Variants in ZHX2 observed in about 807,000 individuals in gnomAD.
ZHX2 encodes zinc fingers and homeoboxes 2, also known as zinc fingers and homeoboxes protein 2.
Under a neutral mutation model 21.9 loss-of-function variants are expected in ZHX2, and 6 were observed. The ratio of observed to expected loss-of-function variants is 0.27; its 90% CI spans 0.15 to 0.54. The LOEUF is 0.54. Ranked by LOEUF, ZHX2 falls within the 20% of genes least tolerant of loss-of-function variation. The pLI is 0.95. For missense variants in ZHX2, 908 were observed against 1,090.7 expected (o/e 0.83, Z 2.36); for synonymous variants, 434 against 437.1 (o/e 0.99, Z 0.09).
chr8:122,893,121 T>G (rs1820020981), intron 2 of ZHX2, among the ~76,000 whole-genome samples: 1 of 152,190 alleles, frequency 6.6e-6, no homozygotes, highest in African/African-American at 2.4e-5. Context: ...GGTTTTTGTT[T>G]TGTTTTTTTT....
intron 2 of ZHX2, among the ~76,000 whole-genome samples, chr8:122,934,941 G>A (rs1019053835): frequency 6.6e-6 from 1 of 152,100 alleles, no homozygotes; most frequent in African/African-American, 2.4e-5. Flanking sequence ...ACCCTCCTTG[G>A]CCTCCCAAAG....
At chr8:122,887,049 C>CTGTGTGTGTGTGTG (rs1313705680) in intron 2 of ZHX2, among the ~76,000 whole-genome samples, 1 of 110,432 alleles carries the variant, frequency 9.1e-6, no homozygotes, top group Non-Finnish European at 1.8e-5. Context: ...TGCTCTGCCA[C>CTGTGTGTGTGTGTG]CGTGTGTGTG....
chr8:122,835,317 G>A (rs1282979262), intron 1 of ZHX2, among the ~76,000 whole-genome samples: 2 of 152,244 alleles, frequency 1.3e-5, no homozygotes, highest in Non-Finnish European at 2.9e-5. Flanking sequence ...GAGCGAGTAA[G>A]GGCAGGAGAG....
At chr8:122,873,377 A>G (rs1402900223) in intron 2 of ZHX2, among the ~76,000 whole-genome samples, 2 of 147,238 alleles carry the variant, frequency 1.4e-5, no homozygotes, top group African/African-American at 4.9e-5. Flanking sequence ...CAGAAGTGTC[A>G]TCTCCCCCGG....
At chr8:122,888,369 T>A (rs1449678795) in intron 2 of ZHX2, among the ~76,000 whole-genome samples, 2 of 152,218 alleles carry the variant, frequency 1.3e-5, no homozygotes, top group Non-Finnish European at 2.9e-5. Flanking sequence ...TCAGGGTAAT[T>A]AGCATATTCA....
chr8:122,788,250 A>C (rs1438294941), intron 1 of ZHX2, among the ~76,000 whole-genome samples: 4 of 152,232 alleles, frequency 2.6e-5, no homozygotes, highest in African/African-American at 7.2e-5. Context: ...GTGGCAGTGT[A>C]ATTCCACTTA....
chr8:122,826,688 G>T (rs1282726172), intron 1 of ZHX2, among the ~76,000 whole-genome samples: 2 of 152,174 alleles, frequency 1.3e-5, no homozygotes, highest in Admixed American at 6.5e-5. Flanking sequence ...CAAAAGGTCT[G>T]TGTGTAAGGG....
intron 2 of ZHX2, among the ~76,000 whole-genome samples, chr8:122,916,881 C>A (rs1820617178): frequency 6.6e-6 from 1 of 152,106 alleles, no homozygotes; most frequent in Admixed American, 6.6e-5. Flanking sequence ...TCCATCCACC[C>A]CAAATCCACA....
chr8:122,859,840 A>G (rs1819119138), intron 1 of ZHX2, among the ~76,000 whole-genome samples: 1 of 152,206 alleles, frequency 6.6e-6, no homozygotes, highest in African/African-American at 2.4e-5. Context: ...TATCTGGTGC[A>G]TAGCACAGAA....
chr8:122,951,232 A>T (rs1381101081), intron 2 of ZHX2, 60 bp from the exon 3 acceptor site: 1 of 382,644 alleles, frequency 2.6e-6, no homozygotes, highest in African/African-American at 2.0e-5. Flanking sequence ...CTCATAAAGA[A>T]GTGCCAGTTT....
intron 1 of ZHX2, among the ~76,000 whole-genome samples, chr8:122,851,525 G>C (rs1361120535): frequency 2.6e-5 from 4 of 152,162 alleles, no homozygotes; most frequent in Non-Finnish European, 5.9e-5. Flanking sequence ...AAAACATTTA[G>C]TGCAAGGTCA....
chr8:122,916,271 T>C (rs914509426), intron 2 of ZHX2, among the ~76,000 whole-genome samples: 2 of 152,240 alleles, frequency 1.3e-5, no homozygotes, highest in African/African-American at 4.8e-5. Context: ...GCTGCATCCC[T>C]GCTGGGCAGG....
At chr8:122,929,762 A>G (rs982467107) in intron 2 of ZHX2, among the ~76,000 whole-genome samples, 1 of 152,150 alleles carries the variant, frequency 6.6e-6, no homozygotes, top group African/African-American at 2.4e-5. Flanking sequence ...TTGTTCTTAT[A>G]TACCCGTAGC....
intron 3 of ZHX2, among the ~76,000 whole-genome samples, chr8:122,964,750 C>T (rs1813536534): frequency 6.6e-6 from 1 of 151,984 alleles, no homozygotes; most frequent in African/African-American, 2.4e-5. Context: ...TGATAGAATT[C>T]AGCTGTGAAT....
Position 122,953,496 on chromosome 8 carries a change from G to A in ZHX2, c.1986G>A (p.Ala662=), listed in dbSNP as rs751785817. The change falls in exon 3 of 4, where the codon GCG becomes GCA. Residue 662 remains alanine (A), a synonymous_variant. Coordinates refer to ENST00000314393, the MANE Select transcript of ZHX2 (RefSeq NM_014943.5). The surrounding 1 kb of genome is among the most constrained non-coding windows in gnomAD (Gnocchi z 4.6). ...WPTPQEYDQL[A]AKTGLVRTEI... ...CTCCCCAGGAGTACGACCAGTTAGCGGCCAAGACTGGCCTGGTCCGAACTG... is the reference window on the plus strand; with the variant it reads ...CTCCCCAGGAGTACGACCAGTTAGCAGCCAAGACTGGCCTGGTCCGAACTG... 46 of 1,614,204 alleles carry A rather than the reference G, an allele frequency of 2.8e-5. No individual in the cohort carries two copies. Among genetic ancestry groups the A allele is most frequent in the East Asian group, 4.5e-5 (2 of 44,876 alleles).
intron 1 of ZHX2, among the ~76,000 whole-genome samples, chr8:122,836,353 T>C (rs1818496626): frequency 6.6e-6 from 1 of 152,158 alleles, no homozygotes. Flanking sequence ...AACTGGAGGC[T>C]GAGGAGCTTC....
intron 2 of ZHX2, among the ~76,000 whole-genome samples, chr8:122,884,621 G>A (rs1474819701): frequency 6.6e-6 from 1 of 152,188 alleles, no homozygotes; most frequent in South Asian, 2.1e-4. Context: ...AGCAACTCCC[G>A]CAAGTATCGT....
At position 122,781,686 on chromosome 8, in the gene ZHX2, C is replaced by A. The variant is rs1467287327; in HGVS notation, c.-543C>A. The A allele has an allele frequency of 6.6e-6, 1 of 151,624 alleles. No individual in the cohort carries two copies. Among genetic ancestry groups the A allele is most frequent in the Non-Finnish European group, 1.5e-5 (1 of 67,848 alleles). 9.4% of individuals were successfully genotyped at this position (151,624 alleles called of 1,614,324 possible). A position where few individuals can be genotyped will look rare whatever the true frequency, so the allele number is the denominator to read the frequency against. On this transcript the variant is annotated 5_prime_UTR_variant, in exon 1 of 4. Transcript: ENST00000314393. This position sits in a 1 kb window ranked among gnomAD's most constrained non-coding sequence, Gnocchi z 4.6. ...GTTTTGGCGTAGATTCCCCACTGAT[C>A]GAGGCATTTTTTTTCCCTTTTTTTT...
At chr8:122,923,280 T>C (rs1313376018) in intron 2 of ZHX2, among the ~76,000 whole-genome samples, 1 of 152,174 alleles carries the variant, frequency 6.6e-6, no homozygotes, top group East Asian at 1.9e-4. Context: ...CCAGGAGGCC[T>C]GGGGGCCTCA....
Sources: gnomAD v4.1 joint callset for allele counts (sites outside exome capture counted in the v4.1 genomes callset) on GRCh38, gnomAD v4.1.1 for gene constraint, Gnocchi (gnomAD v3.1) non-coding constraint, MANE v1.5 for transcripts, NCBI Gene and HGNC (gene_info 2026-07-23, HGNC 2026-07-21) for gene names.